The following CDK5RAP2 variants were observed in gnomAD, a reference collection of about 807,000 sequenced individuals.
CDK5RAP2 encodes CDK5 regulatory subunit-associated protein 2.
In CDK5RAP2, 147 loss-of-function variants were observed where a neutral mutation model predicts 232.9. The observed-to-expected ratio is 0.63, with a 90% CI of 0.55 to 0.72. The LOEUF (loss-of-function observed/expected upper bound fraction) is 0.72. Among genes scored for constraint, CDK5RAP2 ranks in the 30% least tolerant of loss-of-function variants. The pLI is 0.00. For missense variants in CDK5RAP2, 2,195 were observed against 2,231.5 expected (o/e 0.98, Z 0.33); for synonymous variants, 833 against 833.7 (o/e 1.00, Z 0.01).
rs112832086 is a variant in CDK5RAP2 at position 120,418,872 on chromosome 9, T to C, written c.4177+916A>G. Among the ~76,000 whole-genome samples, 877 of 152,294 alleles carry C rather than the reference T, an allele frequency of 5.8e-3. 13 individuals are homozygous for C. Among genetic ancestry groups the C allele is most frequent in the African/African-American group, 0.02 (840 of 41,546 alleles). ...CCATGGGACAAAGGCACCATACTTA[T>C]CTCTTTTACACACTGCATGGGGCCG... On this transcript the variant is annotated intron_variant, in intron 27 of 37. Transcript: ENST00000349780.
intron 12 of CDK5RAP2, chr9:120,517,912 T>G: frequency 3.3e-6 from 1 of 301,256 alleles, no homozygotes; most frequent in Non-Finnish European, 6.7e-6. Flanking sequence ...CAACAAAGAA[T>G]CAGTGGATAA....
In CDK5RAP2 at chr9:120,475,574, C is replaced by A. The variant is rs953827675; in HGVS notation, c.1727+1776G>T. ...TTCCACACGACTCAACCCCCAGTGCCCCCCACTGCTCGCTCCCACCGCCCA... is the reference window on the plus strand; with the variant it reads ...TTCCACACGACTCAACCCCCAGTGCACCCCACTGCTCGCTCCCACCGCCCA... On this transcript the variant is annotated intron_variant, in intron 15 of 37. Transcript: ENST00000349780. Among the ~76,000 whole-genome samples, 4 of 152,072 alleles carry A rather than the reference C, an allele frequency of 2.6e-5. No individual in the cohort carries two copies. In the South Asian group the frequency reaches 8.3e-4, roughly 32 times the overall value.
chr9:120,419,051 C>T (rs1400613626), intron 27 of CDK5RAP2, among the ~76,000 whole-genome samples: 3 of 152,114 alleles, frequency 2.0e-5, no homozygotes, highest in Non-Finnish European at 4.4e-5. Context: ...ATGATAGGAC[C>T]ATGAGGGTAG....
At chr9:120,483,841 C>T (rs796235606) in intron 14 of CDK5RAP2, among the ~76,000 whole-genome samples, 59 of 152,316 alleles carry the variant, frequency 3.9e-4, no homozygotes, top group African/African-American at 1.2e-3. Flanking sequence ...TCTAAAGAGA[C>T]AGCAGACATG....
At chr9:120,521,138 A>G (rs547128263) in intron 11 of CDK5RAP2, among the ~76,000 whole-genome samples, 2 of 152,318 alleles carry the variant, frequency 1.3e-5, no homozygotes, top group East Asian at 1.9e-4. Context: ...AAAGCTATAT[A>G]CAATAACACT....
chr9:120,546,330 G>C (rs1217164425), intron 4 of CDK5RAP2, among the ~76,000 whole-genome samples: 1 of 152,186 alleles, frequency 6.6e-6, no homozygotes, highest in African/African-American at 2.4e-5. Context: ...ACAACCACAT[G>C]GGGCAAGCTG....
chr9:120,557,872 C>G (rs2132103866), intron 3 of CDK5RAP2, among the ~76,000 whole-genome samples: 1 of 148,664 alleles, frequency 6.7e-6, no homozygotes, highest in South Asian at 2.1e-4. Context: ...TCAAGCGATT[C>G]TCCCTGCTTC....
In CDK5RAP2 at chr9:120,532,717, G is replaced by A. The variant is rs188479399; in HGVS notation, c.663-2577C>T. ...CTGCTGCACTGATCTCTGGGAGTGC[G>A]CCTGGGACACAGCTATCCCTGAGAG... On this transcript the variant is annotated intron_variant, in intron 7 of 37. Transcript: ENST00000349780. 4.6e-5 allele frequency among the ~76,000 whole-genome samples: 7 copies of A among 152,272 alleles called. No individual in the cohort carries two copies. The East Asian group carries it at 5.8e-4, about 13-fold the overall frequency.
intron 15 of CDK5RAP2, among the ~76,000 whole-genome samples, chr9:120,475,461 C>T (rs906566414): frequency 6.6e-6 from 1 of 152,164 alleles, no homozygotes; most frequent in Non-Finnish European, 1.5e-5. Flanking sequence ...TATCCACCCA[C>T]AAGGCCTCTC....
Position 120,527,827 on chromosome 9 carries a change from T to C in CDK5RAP2, c.978A>G (p.Ala326=), listed in dbSNP as rs374830118. ...RDKAIQGLTM[A]LKSKEKKVEE... ...ATACCTTTTTTTCCTTTGATTTTAA[T>C]GCCATGGTTAAACCCTGAATGGCTT... The change falls in exon 10 of 38, where the codon GCA becomes GCG. Residue 326 remains alanine, a synonymous_variant. Coordinates refer to ENST00000349780, the MANE Select transcript of CDK5RAP2 (RefSeq NM_018249.6). The C allele has an allele frequency of 7.4e-5, 119 of 1,613,728 alleles. No individual in the cohort carries two copies. The highest frequency in any genetic ancestry group is 8.9e-5 in the Non-Finnish European group (105 of 1,179,974).
At chr9:120,537,710 AG>A (rs1312842094) in intron 6 of CDK5RAP2, among the ~76,000 whole-genome samples, 4 of 152,160 alleles carry the variant, frequency 2.6e-5, no homozygotes, top group African/African-American at 9.7e-5. Context: ...AAAAAAAGAA[AG>A]AATGAAAAAG....
intron 11 of CDK5RAP2, among the ~76,000 whole-genome samples, chr9:120,521,836 T>TGG (rs1720248535): frequency 6.6e-6 from 1 of 151,858 alleles, no homozygotes; most frequent in Non-Finnish European, 1.5e-5. Flanking sequence ...TAGTAGATAC[T>TGG]GGGTTTCGCC....
At chr9:120,471,660 T>G in intron 16 of CDK5RAP2, 88 bp downstream of exon 16, 2 of 1,588,548 alleles carry the variant, frequency 1.3e-6, no homozygotes, top group South Asian at 2.2e-5. Context: ...GCTTCATCCC[T>G]TAACAAATAT....
Position 120,437,337 on chromosome 9 carries a change from A to G in CDK5RAP2, c.3913T>C (p.Cys1305Arg). Reference protein sequence around the residue: ...AEGFQEQLNQCAELLEKLEKL... With the variant: ...AEGFQEQLNQRAELLEKLEKL... ...TCCAATTTCTCCAGCAGCTCAGCACATTGATTCAGCTGTTCCTGGAAACCC... is the reference window on the plus strand; with the variant it reads ...TCCAATTTCTCCAGCAGCTCAGCACGTTGATTCAGCTGTTCCTGGAAACCC... Residue 1305 changes from cysteine to arginine, a missense_variant, in exon 25 of 38, where the codon TGT becomes CGT. Coordinates refer to ENST00000349780, the MANE Select transcript of CDK5RAP2 (RefSeq NM_018249.6). 1.9e-6 allele frequency: 3 copies of G among 1,614,128 alleles called. No individual in the cohort carries two copies. Among genetic ancestry groups the G allele is most frequent in the Non-Finnish European group, 2.5e-6 (3 of 1,180,010 alleles).
intron 25 of CDK5RAP2, among the ~76,000 whole-genome samples, chr9:120,428,209 G>T (rs1232775157): frequency 1.3e-5 from 2 of 152,040 alleles, no homozygotes; most frequent in Non-Finnish European, 2.9e-5. Flanking sequence ...AGGAAAGCAA[G>T]AGCAAACACA....
intron 13 of CDK5RAP2, among the ~76,000 whole-genome samples, chr9:120,487,741 G>C (rs577487916): frequency 1.3e-5 from 2 of 152,332 alleles, no homozygotes; most frequent in South Asian, 4.1e-4. Flanking sequence ...GGAGGACAAA[G>C]CCAGGCTCTG....
intron 14 of CDK5RAP2, 25 bp from the exon 15 acceptor site, chr9:120,477,475 C>T: frequency 6.6e-7 from 1 of 1,519,624 alleles, no homozygotes; most frequent in Non-Finnish European, 9.1e-7. Flanking sequence ...GGGCATTTGA[C>T]ATTAAGGAAA....
intron 3 of CDK5RAP2, among the ~76,000 whole-genome samples, chr9:120,554,720 A>G (rs868486278): frequency 2.4e-4 from 37 of 151,650 alleles, no homozygotes; most frequent in African/African-American, 6.8e-4. Flanking sequence ...TGCAACCTCC[A>G]CCTCCCGGGT....
chr9:120,469,578 A>G (rs1000722358), intron 17 of CDK5RAP2, among the ~76,000 whole-genome samples: 4 of 152,162 alleles, frequency 2.6e-5, no homozygotes, highest in Non-Finnish European at 4.4e-5. Context: ...TAACCATGAC[A>G]CTGATCAACA....
Sources: gnomAD v4.1 joint callset for allele counts (sites outside exome capture counted in the v4.1 genomes callset) on GRCh38, gnomAD v4.1.1 for gene constraint, MANE v1.5 for transcripts, NCBI Gene and HGNC (gene_info 2026-07-23, HGNC 2026-07-21) for gene names.